Variants in KCNIP1 observed in about 807,000 individuals in gnomAD.
KCNIP1 encodes A-type potassium channel modulatory protein KCNIP1.
KCNIP1 carries 18 observed loss-of-function variants against 33.0 expected under a neutral mutation model. The ratio of observed to expected loss-of-function variants is 0.55; its 90% CI spans 0.38 to 0.81. The LOEUF is 0.81. Among genes scored for constraint, KCNIP1 ranks in the 30% least tolerant of loss-of-function variants. KCNIP1 has a pLI of 0.00. For missense variants in KCNIP1, 238 were observed against 271.6 expected, an observed-to-expected ratio of 0.88 and a Z score of 0.87; for synonymous variants, 93 against 98.3, an observed-to-expected ratio of 0.95 and a Z score of 0.32.
At chr5:170,609,991 C>G (rs1479592879) in intron 1 of KCNIP1, among the ~76,000 whole-genome samples, 1 of 152,210 alleles carries the variant, frequency 6.6e-6, no homozygotes, top group Non-Finnish European at 1.5e-5. Flanking sequence ...TGAGCTCTTG[C>G]TGGGGTGGGT....
At chr5:170,588,145 T>G (rs568376723) in intron 1 of KCNIP1, among the ~76,000 whole-genome samples, 1 of 152,312 alleles carries the variant, frequency 6.6e-6, no homozygotes, top group South Asian at 2.1e-4. Context: ...GAACTTAAAG[T>G]CAGGGAGGTA....
intron 1 of KCNIP1, among the ~76,000 whole-genome samples, chr5:170,698,173 G>C (rs1762964834): frequency 6.6e-6 from 1 of 152,020 alleles, no homozygotes; most frequent in Admixed American, 6.5e-5. Flanking sequence ...CGGGTACCCG[G>C]GTATCACAGG....
chr5:170,735,696 A>G, intron 7 of KCNIP1, 63 bp from the exon 8 acceptor site: 1 of 1,391,762 alleles, frequency 7.2e-7, no homozygotes, highest in Non-Finnish European at 1.0e-6. Context: ...TGCTCACCAG[A>G]GTTACAGAGC....
chr5:170,373,236 G>T (rs933107152), intron 1 of KCNIP1, among the ~76,000 whole-genome samples: 2 of 152,182 alleles, frequency 1.3e-5, no homozygotes, highest in Admixed American at 1.3e-4. Context: ...GACTCATCTG[G>T]GGGACAGGAT....
chr5:170,355,143 C>T (rs530424302), intron 1 of KCNIP1, among the ~76,000 whole-genome samples: 27 of 152,296 alleles, frequency 1.8e-4, no homozygotes, highest in African/African-American at 6.5e-4. Context: ...ATGTTCTGAC[C>T]TTCCTGTTAT....
chr5:170,600,481 C>G (rs547750015), intron 1 of KCNIP1, among the ~76,000 whole-genome samples: 2 of 152,260 alleles, frequency 1.3e-5, no homozygotes, highest in South Asian at 4.1e-4. Flanking sequence ...TGCCCCCAAC[C>G]CCATCAGGCC....
At chr5:170,383,999 C>T (rs1764364669) in intron 1 of KCNIP1, 1 of 736,604 alleles carries the variant, frequency 1.4e-6, no homozygotes, top group South Asian at 1.8e-5. Context: ...AATAAAGGCA[C>T]ATGACCCCAC....
chr5:170,363,439 G>T (rs966690290), intron 1 of KCNIP1, among the ~76,000 whole-genome samples: 2 of 152,200 alleles, frequency 1.3e-5, no homozygotes, highest in Non-Finnish European at 2.9e-5. Flanking sequence ...GTAAGAAGGG[G>T]AAGAGACCAG....
intron 1 of KCNIP1, among the ~76,000 whole-genome samples, chr5:170,669,003 G>T (rs527944309): frequency 6.6e-6 from 1 of 152,288 alleles, no homozygotes; most frequent in African/African-American, 2.4e-5. Flanking sequence ...GCTGGGCTGG[G>T]TGTCCCTGCA....
intron 1 of KCNIP1, among the ~76,000 whole-genome samples, chr5:170,699,252 G>T (rs905816): frequency 0.19 from 28,796 of 152,126 alleles, 2,945 homozygotes; most frequent in South Asian, 0.33. Context: ...AGAGAGAGAT[G>T]ATATAGACAA....
intron 1 of KCNIP1, among the ~76,000 whole-genome samples, chr5:170,650,739 G>A (rs763041020): frequency 2.3e-4 from 35 of 152,034 alleles, no homozygotes; most frequent in African/African-American, 7.7e-4. Context: ...AAGAAATTGC[G>A]AATTTAGGAT....
chr5:170,595,339 C>T (rs1022302595), intron 1 of KCNIP1, among the ~76,000 whole-genome samples: 6 of 152,194 alleles, frequency 3.9e-5, no homozygotes, highest in Non-Finnish European at 8.8e-5. Context: ...GGGGCTGTGC[C>T]CAGTTCCATC....
At chr5:170,492,073 A>C (rs1757218846) in intron 1 of KCNIP1, among the ~76,000 whole-genome samples, 3 of 152,188 alleles carry the variant, frequency 2.0e-5, no homozygotes, top group African/African-American at 7.2e-5. Flanking sequence ...TCCAGTTCTG[A>C]CACTAACTAT....
chr5:170,523,566 C>T (rs1198924882), intron 1 of KCNIP1, among the ~76,000 whole-genome samples: 3 of 152,060 alleles, frequency 2.0e-5, no homozygotes, highest in Admixed American at 2.0e-4. Context: ...CTAAGGGAGG[C>T]GGGGAGTTGA....
At chr5:170,459,563 G>A (rs2113101384) in intron 1 of KCNIP1, among the ~76,000 whole-genome samples, 1 of 152,254 alleles carries the variant, frequency 6.6e-6, no homozygotes, top group Admixed American at 6.5e-5. Context: ...CAAATACATG[G>A]AAATTAAATA....
At chr5:170,523,294 G>A (rs1262991181) in intron 1 of KCNIP1, among the ~76,000 whole-genome samples, 1 of 152,242 alleles carries the variant, frequency 6.6e-6, no homozygotes, top group Admixed American at 6.5e-5. Context: ...AGAGCAGGCT[G>A]AGGGTGGCTG....
chr5:170,643,530 C>G (rs1259012693), intron 1 of KCNIP1, among the ~76,000 whole-genome samples: 1 of 152,210 alleles, frequency 6.6e-6, no homozygotes, highest in Non-Finnish European at 1.5e-5. Context: ...CACTCACCCC[C>G]CAAGCTAAGG....
intron 1 of KCNIP1, among the ~76,000 whole-genome samples, chr5:170,491,922 T>C (rs1170931835): frequency 6.6e-6 from 1 of 152,232 alleles, no homozygotes; most frequent in Admixed American, 6.5e-5. Flanking sequence ...TGACTTCCAG[T>C]AGTAAAACTC....
chr5:170,539,555 T>A lies in KCNIP1; in HGVS notation c.61+34922T>A, dbSNP rs189223078. On this transcript the variant is annotated intron_variant, in intron 1 of 7. Transcript: ENST00000328939. ...GCCGTTCTGCCTGAAGAAGCCCCTG[T>A]CCACATCAAGGGTCTTGCATCTCAT... Among the ~76,000 whole-genome samples, 158 of 152,296 alleles carry A rather than the reference T, an allele frequency of 1.0e-3. 1 individual carries two copies. The highest frequency in any genetic ancestry group is 4.6e-4 in the Admixed American group (7 of 15,304).
Sources: gnomAD v4.1 joint callset for allele counts (sites outside exome capture counted in the v4.1 genomes callset) on GRCh38, gnomAD v4.1.1 for gene constraint, MANE v1.5 for transcripts, NCBI Gene and HGNC (gene_info 2026-07-23, HGNC 2026-07-21) for gene names.